The following ZNF263 variants were observed in gnomAD, a reference collection of about 807,000 sequenced individuals.
ZNF263 encodes the protein zinc finger protein FPM315.
ZNF263 carries 49 observed loss-of-function variants against 63.1 expected under a neutral mutation model. The observed-to-expected ratio is 0.78, with a 90% CI of 0.62 to 0.99. The LOEUF (loss-of-function observed/expected upper bound fraction) is 0.99. Among genes scored for constraint, ZNF263 ranks in the 50% least tolerant of loss-of-function variants. The probability of loss-of-function intolerance (pLI) is 0.00; values close to 1 mark genes in which losing one functional copy is unlikely to be tolerated. For missense variants in ZNF263, 872 were observed against 854.8 expected, an observed-to-expected ratio of 1.02 and a Z score of -0.25; for synonymous variants, 352 against 324.2, an observed-to-expected ratio of 1.09 and a Z score of -0.92.
In ZNF263 at chr16:3,289,578, G is replaced by T. The variant is rs972648023; in HGVS notation, c.1072G>T (p.Ala358Ser). 3 of 1,613,864 alleles carry T rather than the reference G, an allele frequency of 1.9e-6. No homozygotes were observed. Among genetic ancestry groups the T allele is most frequent in the Non-Finnish European group, 2.5e-6 (3 of 1,179,968 alleles). ...AGAGGGTGGAATGGAGCAGGCCTTGGCAGGAGCCTCAAGTGGCAGAGAACT... is the reference window on the plus strand; with the variant it reads ...AGAGGGTGGAATGGAGCAGGCCTTGTCAGGAGCCTCAAGTGGCAGAGAACT... The part of the protein sequence containing the change: ...PPEGGMEQAL[A>S]GASSGRELGR... The change falls in exon 6 of 6, where the codon GCA becomes TCA. Residue 358 changes from alanine (A) to serine (S), a missense_variant. Transcript: ENST00000219069.
intron 2 of ZNF263, chr16:3,299,993 CTTTG>C (rs764223076): frequency 1.5e-5 from 24 of 1,614,032 alleles, no homozygotes; most frequent in South Asian, 3.3e-5. Context: ...GACAACCTTT[CTTTG>C]TTTATTTTCT....
chr16:3,284,892 C>G (rs567320100), intron 1 of ZNF263, among the ~76,000 whole-genome samples, 167 bp from the exon 2 acceptor site: 1 of 152,196 alleles, frequency 6.6e-6, no homozygotes, highest in African/African-American at 2.4e-5. Context: ...ACCCCTCCCC[C>G]TGCACATGGG....
chr16:3,298,633 TC>T lies in ZNF263; in HGVS notation c.152-471del, dbSNP rs572920201. ...ACCATTAAATTGAAAACCTAATTTA[TC>T]CTTATCTTAAAGCTAACTAGAACTA... On this transcript the variant is annotated intron_variant, in intron 1 of 2. Transcript: ENST00000574674. Among the ~76,000 whole-genome samples, 40 of 152,336 alleles carry T rather than the reference TC, an allele frequency of 2.6e-4. 1 individual carries two copies. In the East Asian group the frequency reaches 7.7e-3, roughly 29 times the overall value.
chr16:3,291,408 C>G lies in ZNF263; in HGVS notation c.*850C>G, dbSNP rs550373433. On this transcript the variant is annotated 3_prime_UTR_variant, in exon 6 of 6. Coordinates refer to ENST00000219069, the MANE Select transcript of ZNF263 (RefSeq NM_005741.5). ...CCTAGGGGGAAATTGGGGATTGTGTCTTTCCCTGTTGAAAATGTTTGGATG... is the reference window on the plus strand; with the variant it reads ...CCTAGGGGGAAATTGGGGATTGTGTGTTTCCCTGTTGAAAATGTTTGGATG... 1.3e-5 allele frequency: 13 copies of G among 985,416 alleles called. No homozygotes were observed. In the South Asian group the frequency reaches 5.6e-4, roughly 43 times the overall value. The allele number at this position is 985,416 out of a possible 1,614,324, so 61.0% of individuals were successfully genotyped here.
chr16:3,290,810 C>T lies in ZNF263; in HGVS notation c.*252C>T. ...GAATTCTCTGTTAAGTCCACCCTGC[C>T]CCAGGGTGCTCCTACCCTCTTGGTC... On this transcript the variant is annotated 3_prime_UTR_variant, in exon 6 of 6. Transcript: ENST00000219069. The T allele has an allele frequency of 1.6e-6, 2 of 1,265,498 alleles. No individual in the cohort carries two copies. The highest frequency in any genetic ancestry group is 2.0e-6 in the Non-Finnish European group (2 of 1,003,440). 78.4% of individuals were successfully genotyped at this position (1,265,498 alleles called of 1,614,324 possible). A position where few individuals can be genotyped will look rare whatever the true frequency, so the allele number is the denominator to read the frequency against.
At chr16:3,294,728 TC>T (rs1333902839), downstream of ZNF263, among the ~76,000 whole-genome samples, 1 of 152,130 alleles carries the variant, frequency 6.6e-6, no homozygotes, top group African/African-American at 2.4e-5. Context: ...AATTCTGATC[TC>T]CCAGTTAATG....
At chr16:3,297,456 C>CTTTTTTTT (rs1168352573) in intron 1 of ZNF263, among the ~76,000 whole-genome samples, 2 of 76,444 alleles carry the variant, frequency 2.6e-5, no homozygotes, top group African/African-American at 1.0e-4. Flanking sequence ...GAAACAGATT[C>CTTTTTTTT]TTTTTTTTTT....
At chr16:3,291,559 C>A, downstream of ZNF263, 1 of 939,964 alleles carries the variant, frequency 1.1e-6, no homozygotes, top group Non-Finnish European at 1.3e-6. Context: ...CATAGACTTA[C>A]TGGGTTGGTC....
intron 2 of ZNF263, 109 bp downstream of exon 2, chr16:3,285,348 A>C: frequency 1.6e-6 from 2 of 1,280,140 alleles, no homozygotes; most frequent in Non-Finnish European, 2.1e-6. Flanking sequence ...TCTGAAGATC[A>C]GGTTCTCACC....
Position 3,299,366 on chromosome 16 carries a change from G to A in ZNF263, c.*46+210G>A, listed in dbSNP as rs551805283. On this transcript the variant is annotated intron_variant, in intron 2 of 2. Coordinates refer to the ZNF263 transcript ENST00000574674. ...TCAAGAATTTCTCTATAATCCCCATGTTCTAAGCCTTGAAAATCATATTCA... is the reference window on the plus strand; with the variant it reads ...TCAAGAATTTCTCTATAATCCCCATATTCTAAGCCTTGAAAATCATATTCA... The A allele has an allele frequency of 1.4e-5, 22 of 1,569,286 alleles. No individual in the cohort carries two copies. The African/African-American group carries it at 2.8e-4, about 20-fold the overall frequency.
intron 4 of ZNF263, among the ~76,000 whole-genome samples, chr16:3,287,508 G>C (rs1296143894): frequency 6.7e-6 from 1 of 148,826 alleles, no homozygotes; most frequent in Non-Finnish European, 1.5e-5. Context: ...GTCAGGAAGT[G>C]TGCCACTGTA....
intron 3 of ZNF263, 76 bp downstream of exon 3, chr16:3,285,830 G>A (rs1158435274): frequency 1.9e-6 from 3 of 1,572,226 alleles, no homozygotes; most frequent in Non-Finnish European, 2.6e-6. Flanking sequence ...TTCTCCATGT[G>A]GAAGGTCCTT....
At chr16:3,294,035 C>G (rs958756044), downstream of ZNF263, among the ~76,000 whole-genome samples, 2 of 152,326 alleles carry the variant, frequency 1.3e-5, no homozygotes, top group African/African-American at 4.8e-5. Context: ...ACGCCATTCT[C>G]CTGCCTCTGC....
In ZNF263 at chr16:3,283,810, G is replaced by C. The variant is rs775665234; in HGVS notation, c.-9G>C. 34 of 1,554,182 alleles carry C rather than the reference G, an allele frequency of 2.2e-5. No homozygotes were observed. The highest frequency in any genetic ancestry group is 2.8e-5 in the Non-Finnish European group (32 of 1,153,446). ...TGGTTTCGGGCTAAGGCGCTCTGGA[G>C]ACCTGACGATGGCGTCGGGCCCGGG... On this transcript the variant is annotated 5_prime_UTR_variant, in exon 1 of 6. Transcript: ENST00000219069.
At chr16:3,297,806 G>T (rs1281840336) in intron 1 of ZNF263, among the ~76,000 whole-genome samples, 1 of 152,076 alleles carries the variant, frequency 6.6e-6, no homozygotes, top group East Asian at 1.9e-4. Flanking sequence ...AGGAAACACT[G>T]AAAGCCAATA....
In ZNF263 at chr16:3,290,478, C is replaced by T; in HGVS notation, c.1972C>T (p.Pro658Ser). 1.9e-6 allele frequency: 3 copies of T among 1,614,090 alleles called. No individual in the cohort carries two copies. Among genetic ancestry groups the T allele is most frequent in the South Asian group, 1.1e-5 (1 of 91,072 alleles). ...CCTGAGAACGCATACGGGAGAGAGA[C>T]CCTATAAATGTTCTGAATGTGGAGA... Reference protein sequence around the residue: ...RHLRTHTGERPYKCSECGESF... With the variant: ...RHLRTHTGERSYKCSECGESF... Residue 658 changes from proline (P) to serine (S), a missense_variant, in exon 6 of 6, where the codon CCC becomes TCC. By Grantham distance (74) the Pro-to-Ser change is moderately conservative (BLOSUM62 -1). Coordinates refer to ENST00000219069, the MANE Select transcript of ZNF263 (RefSeq NM_005741.5).
At chr16:3,285,615 T>G (rs1959318747) in intron 2 of ZNF263, 66 bp from the exon 3 acceptor site, 48 of 1,532,654 alleles carry the variant, frequency 3.1e-5, no homozygotes, top group Non-Finnish European at 4.2e-5. Context: ...GATACTGTGT[T>G]TTAATAATCC....
At position 3,283,548 on chromosome 16, in the gene ZNF263, TC is replaced by T. The variant is rs1959228728; in HGVS notation, c.-270del. On this transcript the variant is annotated 5_prime_UTR_variant, in exon 1 of 6. Transcript: ENST00000219069. ...AGAGGTCTGAGTCTTGCGTGGGTCCTCTATATAGGGTGAGAAGCGTGGCGCT... is the reference window on the plus strand; with the variant it reads ...AGAGGTCTGAGTCTTGCGTGGGTCCTTATATAGGGTGAGAAGCGTGGCGCT... 3.6e-5 allele frequency: 11 copies of T among 301,904 alleles called. No individual in the cohort carries two copies. The highest frequency in any genetic ancestry group is 4.5e-5 in the Non-Finnish European group (8 of 177,024). 18.7% of individuals were successfully genotyped at this position (301,904 alleles called of 1,614,324 possible). A position where few individuals can be genotyped will look rare whatever the true frequency, so the allele number is the denominator to read the frequency against.
chr16:3,290,374 G>T lies in ZNF263; in HGVS notation c.1868G>T (p.Arg623Ile). 1 of 1,614,098 alleles carries T rather than the reference G, an allele frequency of 6.2e-7. No individual in the cohort carries two copies. The highest frequency in any genetic ancestry group is 2.2e-5 in the East Asian group (1 of 44,888). The change falls in exon 6 of 6, where the codon AGA becomes ATA. Residue 623 changes from arginine (R) to isoleucine (I), a missense_variant. Coordinates refer to ENST00000219069, the MANE Select transcript of ZNF263 (RefSeq NM_005741.5). Reference sequence around the variant, plus strand: ...AGATCCAATTTAATCAGGCACCAGAGAATCCACACAGGAGAAAAACCCTAT... The same window carrying T: ...AGATCCAATTTAATCAGGCACCAGATAATCCACACAGGAGAAAAACCCTAT... Reference protein sequence around the residue: ...SHRSNLIRHQRIHTGEKPYTC... With the variant: ...SHRSNLIRHQIIHTGEKPYTC...
Sources: gnomAD v4.1 joint callset for allele counts (sites outside exome capture counted in the v4.1 genomes callset) on GRCh38, gnomAD v4.1.1 for gene constraint, MANE v1.5 for transcripts, NCBI Gene and HGNC (gene_info 2026-07-23, HGNC 2026-07-21) for gene names.